The following CD28 variants were observed in gnomAD, a reference collection of about 807,000 sequenced individuals.
The protein encoded by CD28 is T-cell-specific surface glycoprotein CD28.
CD28 carries 8 observed loss-of-function variants against 21.4 expected under a neutral mutation model. The observed-to-expected ratio is 0.37, with a 90% CI of 0.22 to 0.68. The LOEUF (loss-of-function observed/expected upper bound fraction) is 0.68, where lower values mean the gene tolerates loss of function less well. CD28 is among the 30% of genes least tolerant of loss of function. The pLI, the probability that CD28 is intolerant of heterozygous loss-of-function variation, is 0.55. For synonymous variants in CD28, 106 were observed against 104.0 expected (o/e 1.02, Z -0.12); for missense variants, 239 against 272.2 (o/e 0.88, Z 0.86).
intron 2 of CD28, among the ~76,000 whole-genome samples, chr2:203,727,937 A>G (rs1693796291): frequency 6.6e-6 from 1 of 152,122 alleles, no homozygotes; most frequent in African/African-American, 2.4e-5. Context: ...TTGGCCTCCC[A>G]AAGTGCTGGG....
At position 203,736,823 on chromosome 2, in the gene CD28, A is replaced by G. The variant is rs1452871956; in HGVS notation, c.*1911A>G. On this transcript the variant is annotated 3_prime_UTR_variant, in exon 4 of 4. Transcript: ENST00000324106. The stretch of plus-strand genomic sequence containing the variant: ...GGTTACAAATGTCTCTTCCTATAGT[A>G]TAATCTCCATAAGGGCATGGCCCAA... The G allele has an allele frequency of 6.6e-6, 1 of 152,226 alleles. No homozygotes were observed. The highest frequency in any genetic ancestry group is 1.5e-5 in the Non-Finnish European group (1 of 68,040). 9.4% of individuals were successfully genotyped at this position (152,226 alleles called of 1,614,324 possible).
intron 1 of CD28, among the ~76,000 whole-genome samples, chr2:203,708,582 T>C (rs1279500049): frequency 6.6e-6 from 1 of 152,222 alleles, no homozygotes; most frequent in Non-Finnish European, 1.5e-5. Context: ...ACTTTGTATG[T>C]TTTCTTTAGA....
chr2:203,718,097 G>A (rs1693508460), intron 1 of CD28, among the ~76,000 whole-genome samples: 1 of 152,122 alleles, frequency 6.6e-6, no homozygotes, highest in Non-Finnish European at 1.5e-5. Context: ...ATGGTGAAAG[G>A]TGCTACAGTC....
rs202069447 is a variant in CD28, at chr2:203,729,761, A to G, written c.523A>G (p.Ile175Val). The G allele has an allele frequency of 1.2e-6, 2 of 1,613,366 alleles. No individual in the cohort carries two copies. The highest frequency in any genetic ancestry group is 2.7e-5 in the African/African-American group (2 of 74,836). The change falls in exon 3 of 4, where the codon ATT becomes GTT. Residue 175 changes from isoleucine to valine, a missense_variant. Ile to Val is a conservative substitution (Grantham distance 29). Coordinates refer to ENST00000324106, the MANE Select transcript of CD28 (RefSeq NM_006139.4). ...CYSLLVTVAF[I>V]IFWVRSKRSR... is the part of the protein sequence containing the mutation. ...TAGCTTGCTAGTAACAGTGGCCTTTATTATTTTCTGGGTAAGAGAAGCAGC... is the reference window on the plus strand; with the variant it reads ...TAGCTTGCTAGTAACAGTGGCCTTTGTTATTTTCTGGGTAAGAGAAGCAGC...
chr2:203,729,634 AT>A lies in CD28; in HGVS notation c.410-10del, dbSNP rs1159554356. The stretch of plus-strand genomic sequence containing the variant: ...ATTCCTGTATCATTTAATCCACTCT[AT>A]TTTGTTTTTCAGGGAAACACCTTTG... On this transcript the variant is annotated splice_polypyrimidine_tract_variant and intron_variant, in intron 2 of 3. Coordinates refer to ENST00000324106, the MANE Select transcript of CD28 (RefSeq NM_006139.4). The A allele has an allele frequency of 1.9e-6, 3 of 1,611,660 alleles. No individual in the cohort carries two copies. In the South Asian group the frequency reaches 3.3e-5, roughly 18 times the overall value.
chr2:203,729,890 T>C, intron 3 of CD28, 118 bp downstream of exon 3: 1 of 1,031,112 alleles, frequency 9.7e-7, no homozygotes, highest in Non-Finnish European at 1.4e-6. Context: ...TGATTTTCTT[T>C]TCCCCATGCT....
intron 3 of CD28, 92 bp downstream of exon 3, chr2:203,729,864 G>T: frequency 7.8e-7 from 1 of 1,277,004 alleles, no homozygotes. Flanking sequence ...TTTATTTTCT[G>T]TTTAATATAG....
At chr2:203,710,966 C>T (rs1228984323) in intron 1 of CD28, among the ~76,000 whole-genome samples, 3 of 152,114 alleles carry the variant, frequency 2.0e-5, no homozygotes, top group East Asian at 1.9e-4. Context: ...CTTCTCAGTA[C>T]ATAGTTGAGC....
chr2:203,728,452 T>C (rs1226286603), intron 2 of CD28, among the ~76,000 whole-genome samples: 3 of 152,256 alleles, frequency 2.0e-5, no homozygotes, highest in Non-Finnish European at 2.9e-5. Context: ...GAAACACATA[T>C]GTTCAGTTTT....
intron 1 of CD28, among the ~76,000 whole-genome samples, chr2:203,723,141 T>C (rs1273082519): frequency 2.0e-5 from 3 of 152,166 alleles, no homozygotes; most frequent in East Asian, 1.9e-4. Flanking sequence ...TTCAACCCAA[T>C]TGAATATTAG....
chr2:203,708,005 T>C (rs1442109669), intron 1 of CD28, among the ~76,000 whole-genome samples: 2 of 152,182 alleles, frequency 1.3e-5, no homozygotes, highest in African/African-American at 4.8e-5. Context: ...ACTGGACTGA[T>C]AGGGGTCAAC....
chr2:203,733,469 C>T (rs539239955), intron 3 of CD28, among the ~76,000 whole-genome samples: 20 of 151,718 alleles, frequency 1.3e-4, no homozygotes, highest in Non-Finnish European at 2.4e-4. Flanking sequence ...TTATTTTAGA[C>T]ATGTTGAGTT....
intron 1 of CD28, among the ~76,000 whole-genome samples, chr2:203,724,160 T>C (rs1553645380): frequency 1.3e-5 from 2 of 152,074 alleles, no homozygotes; most frequent in Non-Finnish European, 2.9e-5. Flanking sequence ...ATTCTACTTA[T>C]AAAAAAAGTC....
Position 203,736,426 on chromosome 2 carries a change from C to A in CD28, c.*1514C>A, listed in dbSNP as rs1340208835. 6.6e-6 allele frequency: 1 copy of A among 152,528 alleles called. No homozygotes were observed. The highest frequency in any genetic ancestry group is 6.6e-5 in the Admixed American group (1 of 15,266). 9.4% of individuals were successfully genotyped at this position (152,528 alleles called of 1,614,324 possible). On this transcript the variant is annotated 3_prime_UTR_variant, in exon 4 of 4. Transcript: ENST00000324106. ...CAGGGACTTTATGTGGTTTAGGGCTCAGAGCTCCAAAACTCTGGGCTCAGC... is the reference window on the plus strand; with the variant it reads ...CAGGGACTTTATGTGGTTTAGGGCTAAGAGCTCCAAAACTCTGGGCTCAGC...
intron 1 of CD28, among the ~76,000 whole-genome samples, chr2:203,717,785 T>C (rs899826004): frequency 1.3e-5 from 2 of 152,148 alleles, no homozygotes; most frequent in African/African-American, 4.8e-5. Flanking sequence ...ACCCCATGGA[T>C]CCAGAGGACC....
chr2:203,730,809 T>C (rs192374944), intron 3 of CD28, among the ~76,000 whole-genome samples: 1 of 152,368 alleles, frequency 6.6e-6, no homozygotes, highest in Admixed American at 6.5e-5. Context: ...TACTCATCTT[T>C]AAGGCATAAT....
intron 1 of CD28, among the ~76,000 whole-genome samples, chr2:203,713,321 A>G (rs112508736): frequency 6.8e-4 from 104 of 152,304 alleles, no homozygotes; most frequent in African/African-American, 2.1e-3. Flanking sequence ...ATGGATGGCT[A>G]GTCGAAAGGA....
At chr2:203,708,835 A>G (rs1431077640) in intron 1 of CD28, among the ~76,000 whole-genome samples, 2 of 152,232 alleles carry the variant, frequency 1.3e-5, no homozygotes, top group African/African-American at 2.4e-5. Flanking sequence ...CACATAAAAA[A>G]TGTATGATTT....
At position 203,726,623 on chromosome 2, in the gene CD28, T is replaced by C. The variant is rs1176707099; in HGVS notation, c.53-10T>C. 6.3e-7 allele frequency: 1 copy of C among 1,588,828 alleles called. No individual in the cohort carries two copies. On this transcript the variant is annotated splice_polypyrimidine_tract_variant and intron_variant, in intron 1 of 3. Transcript: ENST00000324106. The stretch of plus-strand genomic sequence containing the variant: ...TCTTGTTCTAAGCAAATGATTTTTT[T>C]TTCCCCCAGGAAACAAGATTTTGGT...
Sources: allele counts gnomAD v4.1 joint callset (sites outside exome capture counted in the v4.1 genomes callset), GRCh38; gene constraint gnomAD v4.1.1; transcripts MANE v1.5; gene names NCBI Gene and HGNC (gene_info 2026-07-23, HGNC 2026-07-21).